FBXO31: variants seen among roughly 807,000 people sequenced by gnomAD.
FBXO31 encodes the protein F-box protein 31, also known as F-box only protein 31.
Under a neutral mutation model 54.4 loss-of-function variants are expected in FBXO31, and 24 were observed. The observed-to-expected ratio is 0.44, with a 90% CI of 0.32 to 0.62. The LOEUF is 0.62. Among genes scored for constraint, FBXO31 ranks in the 20% least tolerant of loss-of-function variants. The pLI, the probability that FBXO31 is intolerant of heterozygous loss-of-function variation, is 0.05. For missense variants in FBXO31, 665 were observed against 787.1 expected (o/e 0.84, Z 1.86); for synonymous variants, 388 against 335.6 (o/e 1.16, Z -1.71).
upstream of FBXO31, among the ~76,000 whole-genome samples, chr16:87,388,483 T>TG (rs1278751241): frequency 1.3e-5 from 2 of 152,214 alleles, no homozygotes; most frequent in East Asian, 3.8e-4. Context: ...ACAAAGCCGG[T>TG]GGCCTCTCTC....
chr16:87,391,706 T>C (rs1907560576), upstream of FBXO31: 1 of 152,206 alleles, frequency 6.6e-6, no homozygotes, highest in South Asian at 2.1e-4. Context: ...AGGCTGGGCG[T>C]CGAGTGACCG....
rs76985172 is a variant in FBXO31, at chr16:87,365,115, A to C, written c.341-4749T>G. On this transcript the variant is annotated intron_variant, in intron 1 of 8. Transcript: ENST00000311635. Reference sequence around the variant, plus strand: ...CTTTGCAGTGATGACAGAAAGAGAAAACCAATTTGCTTTAAGGCGAGATTC... The same window carrying C: ...CTTTGCAGTGATGACAGAAAGAGAACACCAATTTGCTTTAAGGCGAGATTC... Among the ~76,000 whole-genome samples the C allele has an allele frequency of 9.9e-3, 1,432 of 144,812 alleles. 24 individuals carry two copies. Among genetic ancestry groups the C allele is most frequent in the African/African-American group, 0.035 (1,364 of 38,728 alleles).
intron 5 of FBXO31, among the ~76,000 whole-genome samples, chr16:87,342,602 C>A (rs72804102): frequency 0.014 from 2,176 of 152,296 alleles, 17 homozygotes; most frequent in Non-Finnish European, 0.019. Flanking sequence ...TGGATGTGCC[C>A]GCCAGAGGGG....
intron 1 of FBXO31, among the ~76,000 whole-genome samples, chr16:87,365,010 A>AATATATATATATATATAAAT (rs1906295148): frequency 2.1e-5 from 1 of 47,684 alleles, no homozygotes; most frequent in Non-Finnish European, 3.6e-5. Context: ...CCGTCTCTTA[A>AATATATATATATATATAAAT]ATATATATAT....
intron 8 of FBXO31, 38 bp from the exon 9 acceptor site, chr16:87,331,548 G>A (rs1472203308): frequency 1.3e-6 from 2 of 1,536,342 alleles, no homozygotes; most frequent in South Asian, 1.2e-5. Context: ...AGCTGGGGGA[G>A]GGCTGAGTCA....
chr16:87,343,835 C>A (rs906579944), intron 3 of FBXO31, 70 bp from the exon 4 acceptor site: 1 of 1,545,306 alleles, frequency 6.5e-7, no homozygotes, highest in African/African-American at 1.4e-5. Context: ...CCGCACGGCT[C>A]CCCGCACTGC....
chr16:87,335,046 G>A lies in FBXO31; in HGVS notation c.996+258C>T, dbSNP rs184650311. Reference sequence around the variant, plus strand: ...ACCCCACAGGGCTGCCAGGGTGGCCGGGGCTGAGCGGTGCTGTGGGAAGGC... The same window carrying A: ...ACCCCACAGGGCTGCCAGGGTGGCCAGGGCTGAGCGGTGCTGTGGGAAGGC... On this transcript the variant is annotated intron_variant, in intron 7 of 8. Coordinates refer to ENST00000311635, the MANE Select transcript of FBXO31 (RefSeq NM_024735.5). This position sits in a 1 kb window ranked among gnomAD's most constrained non-coding sequence, Gnocchi z 5.7. Among the ~76,000 whole-genome samples the A allele has an allele frequency of 1.9e-4, 29 of 152,330 alleles. No homozygotes were observed. Among genetic ancestry groups the A allele is most frequent in the South Asian group, 4.1e-4 (2 of 4,828 alleles).
intron 3 of FBXO31, among the ~76,000 whole-genome samples, chr16:87,344,001 G>A (rs1000411960): frequency 1.3e-5 from 2 of 152,218 alleles, no homozygotes; most frequent in Non-Finnish European, 2.9e-5. Flanking sequence ...GTGAGGTGCC[G>A]ACCAGACAGA....
Position 87,369,729 on chromosome 16 carries a change from A to T in FBXO31, c.341-9363T>A, listed in dbSNP as rs147675280. ...GATCAGATGGTATTTCTAAGTTTAA[A>T]TTTTTTAGGAACTACAATACTGTTT... On this transcript the variant is annotated intron_variant, in intron 1 of 8. Coordinates refer to ENST00000311635, the MANE Select transcript of FBXO31 (RefSeq NM_024735.5). 5.2e-3 allele frequency among the ~76,000 whole-genome samples: 798 copies of T among 152,244 alleles called. 7 individuals are homozygous for T. The highest frequency in any genetic ancestry group is 0.019 in the African/African-American group (777 of 41,536).
intron 1 of FBXO31, among the ~76,000 whole-genome samples, chr16:87,380,296 CAAAA>C (rs71156230): frequency 3.1e-5 from 3 of 97,792 alleles, no homozygotes; most frequent in African/African-American, 4.0e-5. Flanking sequence ...GACTCCGTCT[CAAAA>C]AAAAAAAAAA....
chr16:87,368,362 T>C (rs190420620), intron 1 of FBXO31, among the ~76,000 whole-genome samples: 56 of 152,340 alleles, frequency 3.7e-4, no homozygotes, highest in African/African-American at 1.3e-3. Context: ...CATCCTTTTA[T>C]TGTTCTATAA....
At chr16:87,341,504 A>T (rs1187401343) in intron 5 of FBXO31, among the ~76,000 whole-genome samples, 1 of 151,942 alleles carries the variant, frequency 6.6e-6, no homozygotes. Flanking sequence ...AAAAATACAA[A>T]AATTAGCCAG....
intron 2 of FBXO31, among the ~76,000 whole-genome samples, chr16:87,352,978 G>A (rs552478240): frequency 1.2e-4 from 18 of 152,298 alleles, no homozygotes; most frequent in East Asian, 3.9e-4. Context: ...GGAGACCGGC[G>A]GGGATGGAGA....
At chr16:87,367,119 A>T (rs1906402732) in intron 1 of FBXO31, 1 of 152,148 alleles carries the variant, frequency 6.6e-6, no homozygotes, top group African/African-American at 2.4e-5. Context: ...GCTGTGAGTG[A>T]CAATCAAGCC....
chr16:87,373,766 G>A (rs187270275), intron 1 of FBXO31, among the ~76,000 whole-genome samples: 5 of 152,182 alleles, frequency 3.3e-5, no homozygotes, highest in Admixed American at 1.3e-4. Context: ...TTTCAGCCAC[G>A]TTTAACCAAA....
At position 87,383,538 on chromosome 16, in the gene FBXO31, C is replaced by G. The variant is rs774177847; in HGVS notation, c.207G>C (p.Glu69Asp). The G allele has an allele frequency of 6.5e-5, 102 of 1,573,330 alleles. No individual in the cohort carries two copies. The highest frequency in any genetic ancestry group is 8.5e-5 in the Non-Finnish European group (99 of 1,164,970). Residue 69 changes from glutamate (E) to aspartate (D), a missense_variant, in exon 1 of 9, where the codon GAG becomes GAC. Glu to Asp is a conservative substitution (Grantham distance 45). This residue lies in a region of FBXO31 where 195 missense variants were observed against 174.8 expected (regional missense o/e 1.12). Coordinates refer to ENST00000311635, the MANE Select transcript of FBXO31 (RefSeq NM_024735.5). This position sits in a 1 kb window ranked among gnomAD's most constrained non-coding sequence, Gnocchi z 4.9. ...SPPPPRCSLL[E>D]LPPELLVEIF... ...TCTCCACCAGCAGCTCGGGCGGCAG[C>G]TCCAGCAGCGAGCAGCGCGGGGGCG...
chr16:87,381,667 C>T (rs1907083845), intron 1 of FBXO31, among the ~76,000 whole-genome samples: 1 of 152,146 alleles, frequency 6.6e-6, no homozygotes, highest in South Asian at 2.1e-4. Context: ...TCAAAGAGCC[C>T]GACAACAGGC....
chr16:87,347,417 G>T (rs965640809), intron 2 of FBXO31, among the ~76,000 whole-genome samples, 167 bp from the exon 3 acceptor site: 3 of 152,108 alleles, frequency 2.0e-5, no homozygotes, highest in Admixed American at 1.3e-4. Context: ...AATGAGGCCG[G>T]GTGCGGTGGC....
chr16:87,390,309 G>A, upstream of FBXO31, among the ~76,000 whole-genome samples: 1 of 152,096 alleles, frequency 6.6e-6, no homozygotes, highest in East Asian at 1.9e-4. Context: ...ATAAACAGTG[G>A]TGTAATAAAG....
Sources: gnomAD v4.1 joint callset for allele counts (sites outside exome capture counted in the v4.1 genomes callset) on GRCh38, gnomAD v4.1.1 for gene constraint, gnomAD v4.1.1 regional missense constraint, Gnocchi (gnomAD v3.1) non-coding constraint, MANE v1.5 for transcripts, NCBI Gene and HGNC (gene_info 2026-07-23, HGNC 2026-07-21) for gene names.